The following COG4 variants were observed in gnomAD, a reference collection of about 807,000 sequenced individuals.
COG4 encodes the protein conserved oligomeric Golgi complex subunit 4.
In COG4, 65 loss-of-function variants were observed where a neutral mutation model predicts 95.1. The ratio of observed to expected loss-of-function variants is 0.68; its 90% CI spans 0.56 to 0.84. The LOEUF (loss-of-function observed/expected upper bound fraction) is 0.84, where lower values mean the gene tolerates loss of function less well. COG4 is among the 40% of genes least tolerant of loss of function. The pLI, the probability that COG4 is intolerant of heterozygous loss-of-function variation, is 0.00. For missense variants in COG4, 1,045 were observed against 989.1 expected (o/e 1.06, Z -0.76); for synonymous variants, 421 against 374.8 (o/e 1.12, Z -1.42).
chr16:70,495,138 CCCAACA>C (rs1418476774), intron 12 of COG4, among the ~76,000 whole-genome samples: 1 of 151,844 alleles, frequency 6.6e-6, no homozygotes, highest in Non-Finnish European at 1.5e-5. Flanking sequence ...TGCCTGTAAT[CCCAACA>C]CTTTGGGAGG....
Position 70,480,646 on chromosome 16 carries a change from C to T in COG4, c.*364G>A, listed in dbSNP as rs1305805125. 3.2e-6 allele frequency: 1 copy of T among 314,936 alleles called. No homozygotes were observed. The highest frequency in any genetic ancestry group is 6.1e-6 in the Non-Finnish European group (1 of 164,688). The allele number at this position is 314,936 out of a possible 1,614,324, so 19.5% of individuals were successfully genotyped here. On this transcript the variant is annotated 3_prime_UTR_variant, in exon 19 of 19. Coordinates refer to ENST00000323786, the MANE Select transcript of COG4 (RefSeq NM_015386.3). The stretch of plus-strand genomic sequence containing the variant: ...CAAAGTCAAGCCTAACTGCTAGGTC[C>T]CCAGATGTACCCAAGTTGTCTAGGA...
At position 70,501,061 on chromosome 16, in the gene COG4, G is replaced by C; in HGVS notation, c.1092C>G (p.Thr364=). 2 of 1,613,696 alleles carry C rather than the reference G, an allele frequency of 1.2e-6. No individual in the cohort carries two copies. The highest frequency in any genetic ancestry group is 1.7e-6 in the Non-Finnish European group (2 of 1,179,942). The change falls in exon 9 of 19, where the codon ACC becomes ACG. Residue 364 remains threonine (T), a synonymous_variant. Transcript: ENST00000323786. ...ATAGCTCACTGCGGGCATTCATCAGGGTGACCTCAGTCAGGATGGGGTCCA... is the reference window on the plus strand; with the variant it reads ...ATAGCTCACTGCGGGCATTCATCAGCGTGACCTCAGTCAGGATGGGGTCCA... ...RELDPILTEV[T]LMNARSELYL...
Position 70,482,170 on chromosome 16 carries a change from T to C in COG4, c.1926A>G (p.Glu642=), listed in dbSNP as rs1270513244. 3 of 1,611,390 alleles carry C rather than the reference T, an allele frequency of 1.9e-6. No individual in the cohort carries two copies. The highest frequency in any genetic ancestry group is 1.7e-5 in the Admixed American group (1 of 60,018). The part of the protein sequence containing the change: ...FSVSHNIEEE[E]FNDYEANDPW... ...GGTCGTTGGCCTCATAGTCATTGAA[T>C]TCTTCCTGTTGTCAGGAAGCAGGGC... The change falls in exon 16 of 19, where the codon GAA becomes GAG. Residue 642 remains glutamate (E), a synonymous_variant. Transcript: ENST00000323786.
intron 13 of COG4, among the ~76,000 whole-genome samples, chr16:70,486,275 T>C (rs541841590): frequency 6.6e-6 from 1 of 152,310 alleles, no homozygotes; most frequent in South Asian, 2.1e-4. Context: ...ACTCATGTTT[T>C]GGGTTGCCAG....
intron 12 of COG4, among the ~76,000 whole-genome samples, chr16:70,493,038 G>GT (rs1363170412): frequency 1.3e-5 from 2 of 152,148 alleles, no homozygotes; most frequent in African/African-American, 4.8e-5. Flanking sequence ...AGAACAAACT[G>GT]TTTCGGTGTA....
At chr16:70,484,535 G>A (rs2049087948) in intron 13 of COG4, among the ~76,000 whole-genome samples, 1 of 152,156 alleles carries the variant, frequency 6.6e-6, no homozygotes, top group Non-Finnish European at 1.5e-5. Context: ...CTACCAAAGG[G>A]GATGGTCAAG....
intron 8 of COG4, among the ~76,000 whole-genome samples, chr16:70,506,602 AAAAAAAAAAAAAAAAC>A (rs1224858430): frequency 5.9e-4 from 63 of 107,514 alleles, no homozygotes; most frequent in African/African-American, 2.2e-3. Flanking sequence ...TCAAAAAAAA[AAAAAAAAAAAAAAAAC>A]AAAAAAAAAA....
chr16:70,483,753 C>T (rs2049063027), intron 14 of COG4, 100 bp downstream of exon 14: 5 of 935,292 alleles, frequency 5.3e-6, no homozygotes, highest in East Asian at 4.8e-5. Context: ...GCTCCCTCAC[C>T]CGTCCTCCTG....
chr16:70,488,747 C>T (rs2049185774), intron 13 of COG4, among the ~76,000 whole-genome samples: 1 of 151,768 alleles, frequency 6.6e-6, no homozygotes, highest in Admixed American at 6.6e-5. Flanking sequence ...GACAGGGTTT[C>T]ATCATGTTGG....
Position 70,496,256 on chromosome 16 carries a change from G to A in COG4, c.1647+10C>T. ...AAACCAACCCAGCTCGTGAGCTGTGGGGTACCTACCAGGAAGGACATCTTC... is the reference window on the plus strand; with the variant it reads ...AAACCAACCCAGCTCGTGAGCTGTGAGGTACCTACCAGGAAGGACATCTTC... On this transcript the variant is annotated intron_variant, in intron 12 of 18. Transcript: ENST00000323786. 4 of 1,614,108 alleles carry A rather than the reference G, an allele frequency of 2.5e-6. No homozygotes were observed. The highest frequency in any genetic ancestry group is 3.4e-6 in the Non-Finnish European group (4 of 1,180,002).
intron 13 of COG4, among the ~76,000 whole-genome samples, chr16:70,489,480 G>C (rs1029601056): frequency 1.3e-5 from 2 of 150,094 alleles, no homozygotes; most frequent in African/African-American, 2.5e-5. Flanking sequence ...GCCTCCCAAA[G>C]TGTTAGGATT....
At chr16:70,495,036 G>A (rs1597665823) in intron 12 of COG4, among the ~76,000 whole-genome samples, 1 of 152,254 alleles carries the variant, frequency 6.6e-6, no homozygotes, top group South Asian at 2.1e-4. Flanking sequence ...ATATTAGCAA[G>A]TTTAGGCTTC....
intron 4 of COG4, among the ~76,000 whole-genome samples, chr16:70,513,419 C>T (rs911551683): frequency 6.6e-6 from 1 of 152,202 alleles, no homozygotes; most frequent in Non-Finnish European, 1.5e-5. Context: ...ATACAGTAGT[C>T]TCTTCTTATC....
intron 13 of COG4, among the ~76,000 whole-genome samples, chr16:70,488,510 C>T (rs992591849): frequency 6.6e-6 from 1 of 152,128 alleles, no homozygotes; most frequent in African/African-American, 2.4e-5. Context: ...CCTCCTGACT[C>T]AGGGTCCCAA....
intron 8 of COG4, among the ~76,000 whole-genome samples, chr16:70,504,720 G>C (rs910631492): frequency 1.3e-5 from 2 of 151,710 alleles, no homozygotes; most frequent in African/African-American, 4.9e-5. Context: ...GACCAGCCTG[G>C]CCAAGATGGT....
chr16:70,499,952 G>A (rs959374298), intron 9 of COG4, among the ~76,000 whole-genome samples: 3 of 151,276 alleles, frequency 2.0e-5, no homozygotes, highest in South Asian at 4.2e-4. Flanking sequence ...GAGCCACCGC[G>A]CCCGACCTAA....
intron 4 of COG4, 92 bp downstream of exon 4, chr16:70,514,242 TA>T: frequency 8.2e-7 from 1 of 1,221,438 alleles, no homozygotes; most frequent in Non-Finnish European, 1.2e-6. Context: ...GAAAACTTCC[TA>T]AAAACTGATG....
In COG4 at chr16:70,497,249, C is replaced by T. The variant is rs1427335204; in HGVS notation, c.1453G>A (p.Ala485Thr). 10 of 1,613,964 alleles carry T rather than the reference C, an allele frequency of 6.2e-6. No homozygotes were observed. The highest frequency in any genetic ancestry group is 1.3e-5 in the African/African-American group (1 of 74,886). The change falls in exon 11 of 19, where the codon GCC becomes ACC. Residue 485 changes from alanine to threonine, a missense_variant. By Grantham distance (58) the Ala-to-Thr change is moderately conservative. Transcript: ENST00000323786. ...IDCLCAMINL[A>T]TTELESDFRD... ...AAGTCAGACTCCAGCTCTGTGGTGG[C>T]GAGGTTGATCATGGCACAGAGACAG...
intron 8 of COG4, among the ~76,000 whole-genome samples, chr16:70,503,752 G>T (rs1257130879): frequency 7.2e-6 from 1 of 138,336 alleles, no homozygotes; most frequent in Non-Finnish European, 1.5e-5. Flanking sequence ...CCACCACCAC[G>T]CCCGGCTAAT....
Sources: allele counts gnomAD v4.1 joint callset (sites outside exome capture counted in the v4.1 genomes callset), GRCh38; gene constraint gnomAD v4.1.1; transcripts MANE v1.5; gene names NCBI Gene and HGNC (gene_info 2026-07-23, HGNC 2026-07-21).